The following CERS6 variants were observed in gnomAD, a reference collection of about 807,000 sequenced individuals.
The protein encoded by CERS6 is ceramide synthase 6.
In CERS6, 26 loss-of-function variants were observed where a neutral mutation model predicts 56.8. The ratio of observed to expected loss-of-function variants is 0.46; its 90% CI spans 0.34 to 0.63. The LOEUF (loss-of-function observed/expected upper bound fraction) is 0.63, where lower values mean the gene tolerates loss of function less well. Among genes scored for constraint, CERS6 ranks in the 30% least tolerant of loss-of-function variants. The pLI is 0.01. For synonymous variants in CERS6, 164 were observed against 173.3 expected (o/e 0.95, Z 0.42); for missense variants, 415 against 467.5 (o/e 0.89, Z 1.04).
At chr2:168,504,415 A>T (rs527365623) in intron 1 of CERS6, among the ~76,000 whole-genome samples, 13 of 152,110 alleles carry the variant, frequency 8.5e-5, no homozygotes, top group African/African-American at 3.1e-4. Context: ...AACAGGGTAG[A>T]GTTGTGGGGG....
chr2:168,631,436 T>C (rs1490261332), intron 4 of CERS6, among the ~76,000 whole-genome samples: 3 of 131,264 alleles, frequency 2.3e-5, no homozygotes, highest in African/African-American at 8.5e-5. Context: ...TATGTAAATA[T>C]ATATTTATAT....
At chr2:168,717,782 G>A (rs1687261881) in intron 7 of CERS6, 90 bp from the exon 8 acceptor site, 3 of 860,602 alleles carry the variant, frequency 3.5e-6, no homozygotes, top group Admixed American at 4.7e-5. Flanking sequence ...ATCTGGTAAG[G>A]TATATCTTAT....
chr2:168,626,684 A>G (rs1223853970), intron 3 of CERS6, among the ~76,000 whole-genome samples: 3 of 152,332 alleles, frequency 2.0e-5, no homozygotes, highest in Admixed American at 2.0e-4. Context: ...AGGGCTTTAG[A>G]GTCACTGCTA....
chr2:168,563,690 G>A (rs994043587), intron 3 of CERS6, among the ~76,000 whole-genome samples: 3 of 152,122 alleles, frequency 2.0e-5, no homozygotes, highest in Non-Finnish European at 2.9e-5. Flanking sequence ...CCAGCTACTC[G>A]GGAGGCTGAG....
chr2:168,769,370 C>T, intron 9 of CERS6, 140 bp from the exon 10 acceptor site: 1 of 710,742 alleles, frequency 1.4e-6, no homozygotes, highest in Non-Finnish European at 2.2e-6. Context: ...GAACTTATTG[C>T]TCTGGCAATG....
chr2:168,617,598 A>G lies in CERS6; in HGVS notation c.408-13387A>G, dbSNP rs539718652. 3.3e-5 allele frequency among the ~76,000 whole-genome samples: 5 copies of G among 152,288 alleles called. No individual in the cohort carries two copies. In the South Asian group the frequency reaches 1.0e-3, roughly 32 times the overall value. ...ACAAAAGATCATTCAAGGCTACTAT[A>G]AACACCTCTACACCCGTAAACCAGA... is the stretch of plus-strand genomic sequence containing the variant. On this transcript the variant is annotated intron_variant, in intron 3 of 9. Transcript: ENST00000305747.
chr2:168,487,054 A>G (rs1316023741), intron 1 of CERS6, among the ~76,000 whole-genome samples: 2 of 152,138 alleles, frequency 1.3e-5, no homozygotes, highest in Admixed American at 6.6e-5. Flanking sequence ...CTGTTGCCTC[A>G]TTTATAAAAT....
chr2:168,544,015 A>G (rs1695418479), intron 1 of CERS6, among the ~76,000 whole-genome samples: 1 of 152,160 alleles, frequency 6.6e-6, no homozygotes, highest in African/African-American at 2.4e-5. Context: ...TGATGGTTTT[A>G]TTCATTCATT....
At chr2:168,675,780 G>A (rs1686043268) in intron 4 of CERS6, among the ~76,000 whole-genome samples, 1 of 151,576 alleles carries the variant, frequency 6.6e-6, no homozygotes, top group Admixed American at 6.6e-5. Context: ...TCCACCTCCC[G>A]GGTTCAAGCG....
chr2:168,463,901 C>T (rs1170811297), intron 1 of CERS6, among the ~76,000 whole-genome samples: 1 of 152,062 alleles, frequency 6.6e-6, no homozygotes, highest in Non-Finnish European at 1.5e-5. Flanking sequence ...AGACCAAGAT[C>T]CTGTCTCAAA....
chr2:168,616,248 A>G (rs1227867779), intron 3 of CERS6, among the ~76,000 whole-genome samples: 1 of 152,238 alleles, frequency 6.6e-6, no homozygotes, highest in Non-Finnish European at 1.5e-5. Flanking sequence ...AATTCTGGAA[A>G]CACATCAAAA....
intron 8 of CERS6, among the ~76,000 whole-genome samples, chr2:168,728,462 T>C (rs1683416144): frequency 6.9e-6 from 1 of 144,844 alleles, no homozygotes; most frequent in Non-Finnish European, 1.5e-5. Context: ...CGATCTCGGC[T>C]CACTGCAACC....
At chr2:168,725,810 T>G (rs879325861) in intron 8 of CERS6, among the ~76,000 whole-genome samples, 1 of 152,238 alleles carries the variant, frequency 6.6e-6, no homozygotes, top group Non-Finnish European at 1.5e-5. Context: ...TGTATTTAAA[T>G]TTTTGGAAAG....
chr2:168,594,135 A>T (rs772151026), intron 3 of CERS6, among the ~76,000 whole-genome samples: 14 of 152,206 alleles, frequency 9.2e-5, no homozygotes, highest in Admixed American at 2.6e-4. Flanking sequence ...TCCCATTAAG[A>T]GTAATTATGC....
At chr2:168,717,453 A>AT (rs1687252674) in intron 7 of CERS6, among the ~76,000 whole-genome samples, 1 of 152,150 alleles carries the variant, frequency 6.6e-6, no homozygotes, top group Non-Finnish European at 1.5e-5. Context: ...GGTATTTGAG[A>AT]TTCATAAAAA....
intron 4 of CERS6, among the ~76,000 whole-genome samples, chr2:168,635,591 A>G (rs796455807): frequency 2.5e-4 from 38 of 152,320 alleles, no homozygotes; most frequent in African/African-American, 8.2e-4. Context: ...CAGTATCTCA[A>G]TAACTAGCCC....
At chr2:168,470,715 CA>C (rs10712230) in intron 1 of CERS6, among the ~76,000 whole-genome samples, 8,374 of 152,276 alleles carry the variant, frequency 0.055, 332 homozygotes, top group East Asian at 0.18. Flanking sequence ...AGAACAAAAA[CA>C]GATATGCAGG....
intron 4 of CERS6, among the ~76,000 whole-genome samples, chr2:168,672,148 T>A (rs978888099): frequency 6.6e-6 from 1 of 152,350 alleles, no homozygotes; most frequent in Middle Eastern, 3.4e-3. Context: ...ACATTCTGAA[T>A]CATAGCCCTT....
At chr2:168,710,999 T>G (rs1687075023) in intron 6 of CERS6, among the ~76,000 whole-genome samples, 2 of 152,242 alleles carry the variant, frequency 1.3e-5, no homozygotes, top group Non-Finnish European at 2.9e-5. Flanking sequence ...CTACCATCAA[T>G]GTGTCATGCT....
Sources: gnomAD v4.1 joint callset for allele counts (sites outside exome capture counted in the v4.1 genomes callset) on GRCh38, gnomAD v4.1.1 for gene constraint, MANE v1.5 for transcripts, NCBI Gene and HGNC (gene_info 2026-07-23, HGNC 2026-07-21) for gene names.